Variants in ATF6 observed in about 807,000 individuals in gnomAD.
ATF6 encodes activating transcription factor 6.
Under a neutral mutation model 83.6 loss-of-function variants are expected in ATF6, and 53 were observed. That is an observed-to-expected ratio of 0.63 (90% confidence interval 0.51 to 0.80). The LOEUF is 0.80. Ranked by LOEUF, ATF6 falls within the 30% of genes least tolerant of loss-of-function variation. The pLI, the probability that ATF6 is intolerant of heterozygous loss-of-function variation, is 0.00. For synonymous variants in ATF6, 288 were observed against 285.8 expected (o/e 1.01, Z -0.08); for missense variants, 744 against 797.9 (o/e 0.93, Z 0.81).
intron 9 of ATF6, among the ~76,000 whole-genome samples, chr1:161,844,314 T>C (rs549028440): frequency 1.4e-4 from 22 of 152,224 alleles, no homozygotes; most frequent in African/African-American, 5.1e-4. Context: ...AACTATAATC[T>C]TGAAAAAGAA....
At chr1:161,832,995 A>G (rs901479376) in intron 9 of ATF6, among the ~76,000 whole-genome samples, 4 of 152,146 alleles carry the variant, frequency 2.6e-5, no homozygotes, top group African/African-American at 9.7e-5. Flanking sequence ...CCTAACTGGG[A>G]GGCACCCCCC....
At chr1:161,954,421 C>G (rs1688926598) in intron 15 of ATF6, among the ~76,000 whole-genome samples, 1 of 152,194 alleles carries the variant, frequency 6.6e-6, no homozygotes, top group Admixed American at 6.5e-5. Flanking sequence ...ACAGAGAAAG[C>G]TACCTCTTTT....
chr1:161,853,193 T>C, intron 11 of ATF6, 31 bp from the exon 12 acceptor site: 2 of 1,363,762 alleles, frequency 1.5e-6, no homozygotes, highest in South Asian at 1.3e-5. Flanking sequence ...AATTAATTTC[T>C]ATGTTTAATT....
At chr1:161,948,973 A>G (rs745816442) in intron 15 of ATF6, among the ~76,000 whole-genome samples, 1 of 152,234 alleles carries the variant, frequency 6.6e-6, no homozygotes, top group East Asian at 1.9e-4. Flanking sequence ...ATGGCAAATA[A>G]TGTTTCAGAC....
intron 6 of ATF6, among the ~76,000 whole-genome samples, chr1:161,798,526 T>C (rs1433928922): frequency 1.3e-5 from 2 of 152,132 alleles, no homozygotes; most frequent in Admixed American, 1.3e-4. Context: ...GCAGGAGAAT[T>C]GCTTGAACCC....
intron 15 of ATF6, among the ~76,000 whole-genome samples, chr1:161,920,237 C>CT (rs1399126492): frequency 6.8e-6 from 1 of 146,032 alleles, no homozygotes; most frequent in East Asian, 2.0e-4. Context: ...TCACTTAAAA[C>CT]TATGTTTTAA....
chr1:161,940,182 C>T (rs576822940), intron 15 of ATF6, among the ~76,000 whole-genome samples: 6 of 152,290 alleles, frequency 3.9e-5, no homozygotes, highest in Non-Finnish European at 8.8e-5. Flanking sequence ...ACTTTTGATC[C>T]ATCTGCCAAT....
At chr1:161,833,303 G>GA (rs1162129912) in intron 9 of ATF6, among the ~76,000 whole-genome samples, 2 of 152,024 alleles carry the variant, frequency 1.3e-5, no homozygotes, top group Non-Finnish European at 2.9e-5. Context: ...CAAAGATGGG[G>GA]AAAAAACAGA....
At chr1:161,809,748 T>C (rs927218938) in intron 7 of ATF6, among the ~76,000 whole-genome samples, 1 of 152,224 alleles carries the variant, frequency 6.6e-6, no homozygotes, top group Non-Finnish European at 1.5e-5. Flanking sequence ...TGGTGTGAGA[T>C]GGTATCTCAT....
chr1:161,825,617 A>G (rs952836052), intron 9 of ATF6, among the ~76,000 whole-genome samples: 4 of 152,130 alleles, frequency 2.6e-5, no homozygotes, highest in Non-Finnish European at 5.9e-5. Context: ...AATGGGAGAG[A>G]CGCATAGGGT....
intron 11 of ATF6, among the ~76,000 whole-genome samples, 186 bp downstream of exon 11, chr1:161,852,021 T>C (rs181321273): frequency 1.3e-5 from 2 of 152,310 alleles, no homozygotes; most frequent in East Asian, 3.9e-4. Flanking sequence ...ATGGGTCTAT[T>C]TTATGTGATA....
chr1:161,783,964 TA>T, intron 3 of ATF6, 25 bp from the exon 4 acceptor site: 1 of 1,474,014 alleles, frequency 6.8e-7, no homozygotes, highest in Non-Finnish European at 9.5e-7. Context: ...GTCCAGTGGG[TA>T]AAACCTTTCC....
chr1:161,785,438 G>T (rs1684722007), intron 4 of ATF6, among the ~76,000 whole-genome samples: 3 of 152,062 alleles, frequency 2.0e-5, no homozygotes, highest in Admixed American at 2.0e-4. Context: ...TGTATACCCT[G>T]TCCTGTACCT....
intron 14 of ATF6, among the ~76,000 whole-genome samples, chr1:161,865,901 T>C (rs879546583): frequency 6.6e-6 from 1 of 152,236 alleles, no homozygotes; most frequent in Non-Finnish European, 1.5e-5. Flanking sequence ...TTTTGTTCTT[T>C]AATACCTGGA....
At chr1:161,901,016 C>T (rs563486876) in intron 14 of ATF6, among the ~76,000 whole-genome samples, 51 of 152,088 alleles carry the variant, frequency 3.4e-4, no homozygotes, top group Non-Finnish European at 5.3e-4. Flanking sequence ...AGATAGATCA[C>T]TGTGTTACCC....
At chr1:161,861,299 T>C (rs1052355706) in intron 13 of ATF6, among the ~76,000 whole-genome samples, 1 of 148,050 alleles carries the variant, frequency 6.8e-6, no homozygotes, top group Non-Finnish European at 1.5e-5. Flanking sequence ...GAAAAAAATA[T>C]AGATAGATAG....
chr1:161,770,728 T>C (rs972070073), intron 1 of ATF6, among the ~76,000 whole-genome samples: 1 of 152,262 alleles, frequency 6.6e-6, no homozygotes, highest in Non-Finnish European at 1.5e-5. Flanking sequence ...CACTTACCTA[T>C]TGAAGCACAT....
intron 15 of ATF6, among the ~76,000 whole-genome samples, chr1:161,957,173 T>TAA (rs11327624): frequency 9.4e-5 from 14 of 149,020 alleles, no homozygotes; most frequent in African/African-American, 3.2e-4. Flanking sequence ...GTGTCAAAGT[T>TAA]AAAAAAAAAA....
chr1:161,884,927 G>T (rs767565950), intron 14 of ATF6, among the ~76,000 whole-genome samples: 1 of 152,072 alleles, frequency 6.6e-6, no homozygotes, highest in Non-Finnish European at 1.5e-5. Flanking sequence ...GGAACTCATC[G>T]TAAATATTTT....
Sources: gnomAD v4.1 joint callset for allele counts (sites outside exome capture counted in the v4.1 genomes callset) on GRCh38, gnomAD v4.1.1 for gene constraint, MANE v1.5 for transcripts, NCBI Gene and HGNC (gene_info 2026-07-23, HGNC 2026-07-21) for gene names.